PCDHA5: variants seen among roughly 807,000 people sequenced by gnomAD.
PCDHA5 encodes protocadherin alpha-5.
In PCDHA5, 43 loss-of-function variants were observed where a neutral mutation model predicts 61.6. The observed-to-expected ratio is 0.70, with a 90% CI of 0.55 to 0.90. The LOEUF (loss-of-function observed/expected upper bound fraction) is 0.90, where lower values mean the gene tolerates loss of function less well. Among genes scored for constraint, PCDHA5 ranks in the 40% least tolerant of loss-of-function variants. The probability of loss-of-function intolerance (pLI) is 0.00; values close to 1 mark genes in which losing one functional copy is unlikely to be tolerated. For synonymous variants in PCDHA5, 627 were observed against 543.9 expected, an observed-to-expected ratio of 1.15 and a Z score of -2.13; for missense variants, 1,298 against 1,222.7, an observed-to-expected ratio of 1.06 and a Z score of -0.92.
chr5:140,884,837 C>A, intron 1 of PCDHA5: 4 of 902,438 alleles, frequency 4.4e-6, no homozygotes, highest in Non-Finnish European at 6.3e-6. Flanking sequence ...GATTATCCTT[C>A]AGAGTGAAAT....
At chr5:140,884,651 T>C in intron 1 of PCDHA5, 1 of 1,604,404 alleles carries the variant, frequency 6.2e-7, no homozygotes. Context: ...GGACTCAGAA[T>C]GCTTGAAAGA....
intron 1 of PCDHA5, among the ~76,000 whole-genome samples, chr5:140,900,333 C>T (rs10071692): frequency 3.3e-5 from 5 of 151,856 alleles, no homozygotes; most frequent in Admixed American, 6.6e-5. Flanking sequence ...GCTGGAGTAC[C>T]GTGGCGCAAT....
intron 3 of PCDHA5, among the ~76,000 whole-genome samples, chr5:140,998,370 G>A (rs1321470929): frequency 2.6e-5 from 4 of 152,106 alleles, no homozygotes; most frequent in Admixed American, 1.3e-4. Flanking sequence ...TGCACACACC[G>A]TCTCTAGAAA....
intron 1 of PCDHA5, chr5:140,968,823 A>T (rs569036779): frequency 1.2e-6 from 2 of 1,614,192 alleles, no homozygotes; most frequent in Non-Finnish European, 8.5e-7. Context: ...AGGGTTTCCA[A>T]AATCCTCCCT....
chr5:140,853,384 C>G, intron 1 of PCDHA5: 1 of 985,584 alleles, frequency 1.0e-6, no homozygotes, highest in African/African-American at 1.8e-5. Context: ...AAATTCAAAA[C>G]AGCCTGTCAA....
chr5:140,908,142 A>T (rs1371459142), intron 1 of PCDHA5, among the ~76,000 whole-genome samples: 1 of 152,158 alleles, frequency 6.6e-6, no homozygotes, highest in East Asian at 1.9e-4. Context: ...TCCTTCAGGT[A>T]TGTCCTAGGA....
At chr5:140,957,080 A>G (rs2095331610) in intron 1 of PCDHA5, among the ~76,000 whole-genome samples, 1 of 152,174 alleles carries the variant, frequency 6.6e-6, no homozygotes. Flanking sequence ...CTTTTTATTA[A>G]GGAAAATGAA....
At chr5:141,004,677 A>T (rs971713487) in intron 3 of PCDHA5, among the ~76,000 whole-genome samples, 4 of 152,194 alleles carry the variant, frequency 2.6e-5, no homozygotes, top group African/African-American at 7.2e-5. Context: ...AGGACTGTGG[A>T]GTGGTGCTGA....
At chr5:140,928,252 G>T in intron 1 of PCDHA5, 1 of 1,614,208 alleles carries the variant, frequency 6.2e-7, no homozygotes, top group Non-Finnish European at 8.5e-7. Flanking sequence ...GGAACTTTTC[G>T]TTGCTGAAAA....
intron 1 of PCDHA5, chr5:140,852,259 C>G: frequency 2.0e-6 from 1 of 509,052 alleles, no homozygotes; most frequent in Non-Finnish European, 2.6e-6. Flanking sequence ...TTGGAATATG[C>G]TACAATATTA....
At chr5:140,913,810 T>C (rs2076475017) in intron 1 of PCDHA5, among the ~76,000 whole-genome samples, 1 of 152,224 alleles carries the variant, frequency 6.6e-6, no homozygotes, top group South Asian at 2.1e-4. Context: ...AAATTTTCAA[T>C]TTCCTTTTAA....
chr5:140,964,000 T>C (rs900134447), intron 1 of PCDHA5, among the ~76,000 whole-genome samples: 2 of 152,218 alleles, frequency 1.3e-5, no homozygotes, highest in African/African-American at 2.4e-5. Flanking sequence ...TACTGTGTTC[T>C]ACTTTTTAAT....
At chr5:140,912,116 C>G (rs2075772929) in intron 1 of PCDHA5, among the ~76,000 whole-genome samples, 1 of 152,188 alleles carries the variant, frequency 6.6e-6, no homozygotes, top group Non-Finnish European at 1.5e-5. Context: ...GGCTGGGAGG[C>G]TAAGTCAGTC....
At chr5:140,835,706 G>A in intron 1 of PCDHA5, 1 of 1,613,896 alleles carries the variant, frequency 6.2e-7, no homozygotes, top group Non-Finnish European at 8.5e-7. Context: ...CTGCTAGCGT[G>A]TCCGTGGAGG....
chr5:140,860,245 T>C (rs2046291646), intron 1 of PCDHA5: 1 of 151,496 alleles, frequency 6.6e-6, no homozygotes, highest in Non-Finnish European at 1.5e-5. Flanking sequence ...TGGTGGTACA[T>C]GCCTTTAGTC....
intron 1 of PCDHA5, chr5:140,926,849 C>A: frequency 6.6e-7 from 1 of 1,517,430 alleles, no homozygotes. Flanking sequence ...CCTGGGTCAC[C>A]GTTGGTGTAG....
chr5:140,925,027 C>A (rs1238112043), intron 1 of PCDHA5, among the ~76,000 whole-genome samples: 1 of 151,680 alleles, frequency 6.6e-6, no homozygotes, highest in Non-Finnish European at 1.5e-5. Flanking sequence ...GGGAGGATCG[C>A]TTGAGCCCAG....
Position 140,823,914 on chromosome 5 carries a change from G to T in PCDHA5, c.2139G>T (p.Thr713=), listed in dbSNP as rs151078612. 1.2e-5 allele frequency: 20 copies of T among 1,613,874 alleles called. No individual in the cohort carries two copies. In the African/African-American group the frequency reaches 2.0e-4, roughly 16 times the overall value. Reference sequence around the variant, plus strand: ...CGGTGTCCAGCCTGCTGGTGCTCACGCTGCTGCTGTACACCGCGCTGCGGT... The same window carrying T: ...CGGTGTCCAGCCTGCTGGTGCTCACTCTGCTGCTGTACACCGCGCTGCGGT... The part of the protein sequence containing the change: ...ICAVSSLLVL[T]LLLYTALRCS... Residue 713 remains threonine (T), a synonymous_variant, in exon 1 of 4, where the codon ACG becomes ACT. Coordinates refer to ENST00000529859, the MANE Select transcript of PCDHA5 (RefSeq NM_018908.3).
intron 1 of PCDHA5, among the ~76,000 whole-genome samples, chr5:140,938,642 CCTT>C (rs1554212266): frequency 6.6e-6 from 1 of 151,942 alleles, no homozygotes; most frequent in East Asian, 1.9e-4. Flanking sequence ...GATGTATAAT[CCTT>C]CTTTATATCA....
Sources: gnomAD v4.1 joint callset for allele counts (sites outside exome capture counted in the v4.1 genomes callset) on GRCh38, gnomAD v4.1.1 for gene constraint, MANE v1.5 for transcripts, NCBI Gene and HGNC (gene_info 2026-07-23, HGNC 2026-07-21) for gene names.